Variants in GSTA3 observed in about 807,000 individuals in gnomAD.
GSTA3 encodes the protein glutathione S-transferase A3.
GSTA3 carries 16 observed loss-of-function variants against 23.1 expected under a neutral mutation model. The ratio of observed to expected loss-of-function variants is 0.69; its 90% CI spans 0.47 to 1.05. GSTA3 has a LOEUF of 1.05. GSTA3 is among the 50% of genes least tolerant of loss of function. The pLI, the probability that GSTA3 is intolerant of heterozygous loss-of-function variation, is 0.00. For synonymous variants in GSTA3, 122 were observed against 91.0 expected (o/e 1.34, Z -1.94); for missense variants, 319 against 263.6 (o/e 1.21, Z -1.46).
At chr6:52,900,222 A>T in intron 4 of GSTA3, 147 bp from the exon 5 acceptor site, 1 of 506,832 alleles carries the variant, frequency 2.0e-6, no homozygotes, top group South Asian at 3.9e-5. Context: ...TTATGCTCTG[A>T]TTTTTGCATG....
At chr6:52,901,782 C>T (rs1026909211) in intron 4 of GSTA3, among the ~76,000 whole-genome samples, 16 of 152,318 alleles carry the variant, frequency 1.1e-4, no homozygotes, top group African/African-American at 2.4e-4. Flanking sequence ...TGCTGGTATT[C>T]GATAAATCTA....
At chr6:52,908,119 T>C (rs140946399) in intron 1 of GSTA3, among the ~76,000 whole-genome samples, 101 of 151,950 alleles carry the variant, frequency 6.6e-4, no homozygotes, top group African/African-American at 2.4e-3. Flanking sequence ...GTCCGTGCTT[T>C]ATAGGATATA....
At chr6:52,908,006 A>T (rs950548573) in intron 1 of GSTA3, among the ~76,000 whole-genome samples, 1 of 151,540 alleles carries the variant, frequency 6.6e-6, no homozygotes, top group African/African-American at 2.4e-5. Flanking sequence ...AAAAAAAAGA[A>T]GTTACCATTT....
chr6:52,897,023 A>G, intron 6 of GSTA3, 95 bp from the exon 7 acceptor site: 1 of 1,544,548 alleles, frequency 6.5e-7, no homozygotes, highest in Non-Finnish European at 8.8e-7. Context: ...CCAGAGACCA[A>G]GTGAGTCCCC....
At chr6:52,905,456 T>C (rs137932466) in intron 2 of GSTA3, among the ~76,000 whole-genome samples, 1 of 152,286 alleles carries the variant, frequency 6.6e-6, no homozygotes, top group East Asian at 1.9e-4. Context: ...ATAAGTTATA[T>C]TTTATAGTTT....
chr6:52,905,919 C>T, intron 1 of GSTA3, 64 bp from the exon 2 acceptor site: 1 of 733,550 alleles, frequency 1.4e-6, no homozygotes, highest in African/African-American at 1.8e-5. Flanking sequence ...AAAATGCACG[C>T]TAGTATATGA....
At chr6:52,901,494 G>T (rs1276308195) in intron 4 of GSTA3, among the ~76,000 whole-genome samples, 3 of 152,106 alleles carry the variant, frequency 2.0e-5, no homozygotes, top group Non-Finnish European at 1.5e-5. Flanking sequence ...CCATTGCATG[G>T]CTAAGGCACA....
At chr6:52,899,531 C>T (rs893400885) in intron 5 of GSTA3, among the ~76,000 whole-genome samples, 1 of 152,186 alleles carries the variant, frequency 6.6e-6, no homozygotes, top group East Asian at 1.9e-4. Flanking sequence ...AAATTGGTCT[C>T]CTGTCTTCCT....
intron 1 of GSTA3, among the ~76,000 whole-genome samples, chr6:52,909,373 T>C (rs1043722935): frequency 1.3e-5 from 2 of 152,204 alleles, no homozygotes; most frequent in Non-Finnish European, 2.9e-5. Context: ...ACTGATGTGG[T>C]TGTATTTTCA....
At chr6:52,898,893 T>C (rs921360453) in intron 5 of GSTA3, among the ~76,000 whole-genome samples, 4 of 152,136 alleles carry the variant, frequency 2.6e-5, no homozygotes, top group African/African-American at 9.7e-5. Context: ...CGTTCCCCTA[T>C]TGGCTAGGGT....
chr6:52,907,883 G>T (rs1344902648), intron 1 of GSTA3, among the ~76,000 whole-genome samples: 1 of 151,302 alleles, frequency 6.6e-6, no homozygotes, highest in Non-Finnish European at 1.5e-5. Context: ...TGGATGATGA[G>T]TTGGTGGGTG....
At chr6:52,905,181 C>A (rs1036804886) in intron 2 of GSTA3, among the ~76,000 whole-genome samples, 4 of 152,056 alleles carry the variant, frequency 2.6e-5, no homozygotes, top group Non-Finnish European at 5.9e-5. Context: ...TACAATGGTC[C>A]TCTTTGTTTC....
chr6:52,908,280 G>A (rs1026299489), intron 1 of GSTA3, among the ~76,000 whole-genome samples: 17 of 151,866 alleles, frequency 1.1e-4, no homozygotes, highest in Middle Eastern at 6.8e-3. Flanking sequence ...CCAGCACTTC[G>A]GAAGGCTGAG....
rs550418966 is a variant in GSTA3, at chr6:52,899,921, C to G, written c.414+13G>C. 14 of 1,613,862 alleles carry G rather than the reference C, an allele frequency of 8.7e-6. No homozygotes were observed. In the East Asian group the frequency reaches 2.2e-4, roughly 26 times the overall value. ...AAACTCAGTGCCCCAAAATGCTGAA[C>G]AGCTTCACCTACTTTTTCGAAGGCA... On this transcript the variant is annotated intron_variant, in intron 5 of 6. Coordinates refer to ENST00000211122, the MANE Select transcript of GSTA3 (RefSeq NM_000847.5).
At chr6:52,898,922 C>G (rs888490093) in intron 5 of GSTA3, among the ~76,000 whole-genome samples, 8 of 152,148 alleles carry the variant, frequency 5.3e-5, no homozygotes, top group African/African-American at 1.9e-4. Context: ...ACTGGCTAAA[C>G]TAATTCTGAT....
chr6:52,898,662 C>T (rs961871209), intron 5 of GSTA3, among the ~76,000 whole-genome samples: 1 of 152,060 alleles, frequency 6.6e-6, no homozygotes, highest in African/African-American at 2.4e-5. Context: ...CTGAAGTAAA[C>T]CTGGGTTGTT....
Position 52,900,051 on chromosome 6 carries a change from C to T in GSTA3, c.297G>A (p.Met99Ile), listed in dbSNP as rs763214869. The T allele has an allele frequency of 1.2e-6, 2 of 1,613,252 alleles. No individual in the cohort carries two copies. Among genetic ancestry groups the T allele is most frequent in the South Asian group, 1.1e-5 (1 of 90,940 alleles). Residue 99 changes from methionine to isoleucine, a missense_variant, in exon 5 of 7, where the codon ATG (methionine) becomes ATA (isoleucine). Physicochemically the swap from Met to Ile is conservative, Grantham distance 10. Coordinates refer to ENST00000211122, the MANE Select transcript of GSTA3 (RefSeq NM_000847.5). ...GAAGGATCATTTCATTCAAATCTGC[C>T]ATACCTTCTGTATACATATCAATTC... ...RALIDMYTEG[M>I]ADLNEMILLL... is the part of the protein sequence containing the mutation.
Position 52,897,828 on chromosome 6 carries a change from C to A in GSTA3, c.543G>T (p.Leu181=). ...DSSLISNFPL[L]KALKTRISNL... ...TGAGGGCTGTGAAATGGGTCACCTTCAGCAGAGGGAAGTTGGAGATAAGGC... is the reference window on the plus strand; with the variant it reads ...TGAGGGCTGTGAAATGGGTCACCTTAAGCAGAGGGAAGTTGGAGATAAGGC... Residue 181 remains leucine, a synonymous_variant, in exon 6 of 7, where the codon CTG becomes CTT. Transcript: ENST00000211122. 1 of 1,613,518 alleles carries A rather than the reference C, an allele frequency of 6.2e-7. No homozygotes were observed. The highest frequency in any genetic ancestry group is 8.5e-7 in the Non-Finnish European group (1 of 1,179,750).
chr6:52,903,429 T>TAA (rs1765764559), intron 3 of GSTA3, among the ~76,000 whole-genome samples: 1 of 92,240 alleles, frequency 1.1e-5, no homozygotes, highest in East Asian at 3.6e-4. Flanking sequence ...CTACTAAAAA[T>TAA]ACAAAAAAAA....
Sources: gnomAD v4.1 joint callset for allele counts (sites outside exome capture counted in the v4.1 genomes callset) on GRCh38, gnomAD v4.1.1 for gene constraint, MANE v1.5 for transcripts, NCBI Gene and HGNC (gene_info 2026-07-23, HGNC 2026-07-21) for gene names.